LPP: variants seen among roughly 807,000 people sequenced by gnomAD.
LPP encodes the protein lipoma-preferred partner.
A neutral mutation model predicts 60.4 loss-of-function variants in LPP; 38 were observed. That is an observed-to-expected ratio of 0.63 (90% CI 0.49 to 0.83). LPP has a LOEUF of 0.83. LPP is among the 40% of genes least tolerant of loss of function. LPP has a pLI of 0.00. For missense variants in LPP, 902 were observed against 783.6 expected (o/e 1.15, Z -1.80); for synonymous variants, 328 against 290.8 (o/e 1.13, Z -1.30).
chr3:188,400,603 AT>A lies in LPP; in HGVS notation c.-9-5506del, dbSNP rs140221368. ...TCTTCTTAATTGCTTGCATGTGACA[AT>A]TTCTGAAAGAGCAATGCTGAGGAAG... On this transcript the variant is annotated intron_variant, in intron 3 of 11. Coordinates refer to ENST00000617246, the MANE Select transcript of LPP (RefSeq NM_001375462.1). Among the ~76,000 whole-genome samples the A allele has an allele frequency of 7.7e-3, 1,178 of 152,218 alleles. 18 individuals are homozygous for A. Among genetic ancestry groups the A allele is most frequent in the African/African-American group, 0.027 (1,137 of 41,544 alleles).
chr3:188,559,509 G>T (rs1230624134), intron 6 of LPP, among the ~76,000 whole-genome samples: 5 of 151,564 alleles, frequency 3.3e-5, no homozygotes, highest in Non-Finnish European at 7.4e-5. Flanking sequence ...GTTATATGAA[G>T]CCTGGAACTA....
intron 4 of LPP, among the ~76,000 whole-genome samples, chr3:188,413,756 A>C (rs998769313): frequency 6.6e-6 from 1 of 152,196 alleles, no homozygotes; most frequent in African/African-American, 2.4e-5. Context: ...ATTGATGCTC[A>C]AAAGTGCCAA....
At chr3:188,166,801 G>T (rs1425307535) in intron 1 of LPP, among the ~76,000 whole-genome samples, 1 of 142,926 alleles carries the variant, frequency 7.0e-6, no homozygotes, top group Non-Finnish European at 1.5e-5. Flanking sequence ...TTTAATAAAT[G>T]TTTATTGAAT....
At chr3:188,755,542 G>A (rs911603012) in intron 8 of LPP, among the ~76,000 whole-genome samples, 3 of 152,144 alleles carry the variant, frequency 2.0e-5, no homozygotes, top group Non-Finnish European at 4.4e-5. Flanking sequence ...AGTGGTTCAT[G>A]ACTATAATCC....
intron 3 of LPP, among the ~76,000 whole-genome samples, chr3:188,375,776 T>C (rs1774880177): frequency 6.6e-6 from 1 of 152,206 alleles, no homozygotes; most frequent in African/African-American, 2.4e-5. Context: ...CTTGCTTTTC[T>C]AGTTCTTTTA....
chr3:188,743,270 C>G (rs890263680), intron 8 of LPP, among the ~76,000 whole-genome samples: 1 of 152,006 alleles, frequency 6.6e-6, no homozygotes, highest in African/African-American at 2.4e-5. Flanking sequence ...CAAGATCATA[C>G]AGTAGGAGCA....
intron 2 of LPP, among the ~76,000 whole-genome samples, chr3:188,246,463 T>C (rs553580519): frequency 6.6e-6 from 1 of 152,360 alleles, no homozygotes; most frequent in South Asian, 2.1e-4. Context: ...AATTCTTTCC[T>C]CTTCATAGAT....
chr3:188,476,338 T>C (rs559010804), intron 4 of LPP, among the ~76,000 whole-genome samples: 12 of 152,312 alleles, frequency 7.9e-5, no homozygotes, highest in African/African-American at 2.9e-4. Context: ...AATTTCCCAC[T>C]GTATGATTGC....
At chr3:188,425,164 A>T (rs1042456540) in intron 4 of LPP, among the ~76,000 whole-genome samples, 2 of 152,110 alleles carry the variant, frequency 1.3e-5, no homozygotes, top group African/African-American at 4.8e-5. Flanking sequence ...GGTGGTGTTG[A>T]ATTTTGTTGA....
At chr3:188,285,130 A>G (rs1577848797) in intron 2 of LPP, among the ~76,000 whole-genome samples, 1 of 152,260 alleles carries the variant, frequency 6.6e-6, no homozygotes, top group African/African-American at 2.4e-5. Context: ...TCAACTTCTT[A>G]GTGCCTCAGC....
intron 3 of LPP, among the ~76,000 whole-genome samples, chr3:188,399,897 G>T (rs1162415628): frequency 6.6e-6 from 1 of 152,188 alleles, no homozygotes; most frequent in Admixed American, 6.5e-5. Context: ...TGTTTTTGTG[G>T]GTGACAGTGA....
chr3:188,869,650 G>T (rs2152024258), intron 10 of LPP, among the ~76,000 whole-genome samples: 1 of 152,306 alleles, frequency 6.6e-6, no homozygotes, highest in African/African-American at 2.4e-5. Context: ...TCCACAGAGG[G>T]ATCTTGTTAA....
intron 1 of LPP, among the ~76,000 whole-genome samples, chr3:188,201,295 C>T (rs545856698): frequency 1.3e-5 from 2 of 152,280 alleles, no homozygotes; most frequent in East Asian, 1.9e-4. Flanking sequence ...ACAGCAGGCT[C>T]AGCAAATCCA....
At chr3:188,447,985 G>A (rs1795673537) in intron 4 of LPP, among the ~76,000 whole-genome samples, 1 of 152,174 alleles carries the variant, frequency 6.6e-6, no homozygotes, top group Non-Finnish European at 1.5e-5. Context: ...GAGTAGATTG[G>A]AGGTTGTTTT....
Position 188,683,289 on chromosome 3 carries a change from G to A in LPP, c.1114-24978G>A, listed in dbSNP as rs116065910. On this transcript the variant is annotated intron_variant, in intron 7 of 11. Transcript: ENST00000617246. ...CAGACTGTGGGCCATGGACCTGGGC[G>A]TCTCAGTGGTAGCAGGACTCATTTT... Among the ~76,000 whole-genome samples, 1,264 of 152,104 alleles carry A rather than the reference G, an allele frequency of 8.3e-3. 14 individuals carry two copies. The highest frequency in any genetic ancestry group is 0.029 in the African/African-American group (1,193 of 41,478).
At chr3:188,210,936 T>C (rs1734538413) in intron 1 of LPP, among the ~76,000 whole-genome samples, 2 of 152,238 alleles carry the variant, frequency 1.3e-5, no homozygotes, top group Admixed American at 6.5e-5. Flanking sequence ...TCCTGAATTC[T>C]GGTTCTGGCA....
At chr3:188,563,720 TTTTTTTTG>T (rs1163168984) in intron 6 of LPP, among the ~76,000 whole-genome samples, 2 of 114,446 alleles carry the variant, frequency 1.7e-5, no homozygotes, top group African/African-American at 6.7e-5. Context: ...TTGCTTGTGT[TTTTTTTTG>T]TTTTTTTTTT....
chr3:188,466,243 T>C (rs1414363107), intron 4 of LPP, among the ~76,000 whole-genome samples: 1 of 152,160 alleles, frequency 6.6e-6, no homozygotes, highest in African/African-American at 2.4e-5. Context: ...ACGTTACTGG[T>C]TGCTTTTTGT....
chr3:188,390,287 T>C (rs1263199876), intron 3 of LPP, among the ~76,000 whole-genome samples: 1 of 152,216 alleles, frequency 6.6e-6, no homozygotes, highest in Non-Finnish European at 1.5e-5. Flanking sequence ...TCACCATTTC[T>C]TCCTCTAGAT....
Sources: gnomAD v4.1 joint callset for allele counts (sites outside exome capture counted in the v4.1 genomes callset) on GRCh38, gnomAD v4.1.1 for gene constraint, MANE v1.5 for transcripts, NCBI Gene and HGNC (gene_info 2026-07-23, HGNC 2026-07-21) for gene names.